IRX4: variants seen among roughly 807,000 people sequenced by gnomAD.
IRX4 encodes the protein iroquois homeobox 4.
Under a neutral mutation model 32.0 loss-of-function variants are expected in IRX4, and 22 were observed. The ratio of observed to expected loss-of-function variants is 0.69; its 90% CI spans 0.49 to 0.98. IRX4 has a LOEUF of 0.98. Ranked by LOEUF, IRX4 falls within the 50% of genes least tolerant of loss-of-function variation. The probability of loss-of-function intolerance (pLI) is 0.00; values close to 1 mark genes in which losing one functional copy is unlikely to be tolerated. For synonymous variants in IRX4, 379 were observed against 351.7 expected (o/e 1.08, Z -0.87); for missense variants, 840 against 744.2 (o/e 1.13, Z -1.50).
chr5:1,882,066 A>C lies in IRX4; in HGVS notation c.46-7T>G, dbSNP rs777334565. On this transcript the variant is annotated splice_region_variant and splice_polypyrimidine_tract_variant and intron_variant, in intron 1 of 4. Coordinates refer to ENST00000231357, the MANE Select transcript of IRX4 (RefSeq NM_016358.3). ...AGTTGGTGGCCATCAAGAACTGCAGAGAGAGGCCGCGAGGACTGGCGGGAA... is the reference window on the plus strand; with the variant it reads ...AGTTGGTGGCCATCAAGAACTGCAGCGAGAGGCCGCGAGGACTGGCGGGAA... 45 of 1,550,772 alleles carry C rather than the reference A, an allele frequency of 2.9e-5. No individual in the cohort carries two copies. In the Admixed American group the frequency reaches 8.6e-4, roughly 29 times the overall value.
At position 1,879,781 on chromosome 5, in the gene IRX4, G is replaced by A; in HGVS notation, c.459C>T (p.Thr153=). ...GCAGCCAGGCCTTGAGCGTGCTGGT[G>A]GTCTCGCGCGTGGCGTTCTTGCGCC... The part of the protein sequence containing the change: ...GTRRKNATRE[T]TSTLKAWLQE... The change falls in exon 4 of 5, where the codon ACC becomes ACT. Residue 153 remains threonine, a synonymous_variant. Transcript: ENST00000231357. The A allele has an allele frequency of 1.2e-6, 2 of 1,614,154 alleles. No homozygotes were observed.
At chr5:1,885,199 T>G (rs932091784), upstream of IRX4, among the ~76,000 whole-genome samples, 25 of 152,044 alleles carry the variant, frequency 1.6e-4, no homozygotes, top group Admixed American at 1.0e-3. Flanking sequence ...GCTGGTGCAT[T>G]TCCTTCCTTC....
At chr5:1,879,989 C>A in intron 3 of IRX4, 157 bp from the exon 4 acceptor site, 4 of 1,495,872 alleles carry the variant, frequency 2.7e-6, no homozygotes, top group South Asian at 2.4e-5. Context: ...AGGACCCGAG[C>A]CCCAACCAGG....
At position 1,880,812 on chromosome 5, in the gene IRX4, C is replaced by T; in HGVS notation, c.320G>A (p.Gly107Asp). Residue 107 changes from glycine (G) to aspartate (D), a missense_variant, in exon 3 of 5, where the codon GGT becomes GAT. Transcript: ENST00000231357. ...CAGGCCCCCATGCGCAGATCCCGAA[C>T]CATCCTTGGAATCAAAGCTGTTCTG... ...YSLNSFDSKD[G>D]SGSAHGGLAP... 6.2e-7 allele frequency: 1 copy of T among 1,613,744 alleles called. No individual in the cohort carries two copies. Among genetic ancestry groups the T allele is most frequent in the South Asian group, 1.1e-5 (1 of 91,080 alleles).
Position 1,878,090 on chromosome 5 carries a change from A to T in IRX4, c.1439T>A (p.Val480Glu), listed in dbSNP as rs542464730. Residue 480 changes from valine to glutamate, a missense_variant, in exon 5 of 5, where the codon GTG (valine) becomes GAG (glutamate). Val to Glu is a moderately radical substitution (Grantham distance 121). This residue lies in a region of IRX4 where 585 missense variants were observed against 488.0 expected (regional missense o/e 1.20). Coordinates refer to ENST00000231357, the MANE Select transcript of IRX4 (RefSeq NM_016358.3). The stretch of plus-strand genomic sequence containing the variant: ...GGCGCGGGCCAGGGGTGCAGTCAGC[A>T]CGTTCGCGCCCGCCCCCAGCGAGCG... ...LGRSLGAGAN[V>E]LTAPLARAFP... is the part of the protein sequence containing the mutation. 1.3e-6 allele frequency: 2 copies of T among 1,532,396 alleles called. No individual in the cohort carries two copies. Among genetic ancestry groups the T allele is most frequent in the Admixed American group, 3.9e-5 (2 of 51,034 alleles). 94.9% of individuals were successfully genotyped at this position (1,532,396 alleles called of 1,614,324 possible).
Position 1,878,662 on chromosome 5 carries a change from G to T in IRX4, c.867C>A (p.Val289=). 1.3e-6 allele frequency: 2 copies of T among 1,578,608 alleles called. No individual in the cohort carries two copies. Among genetic ancestry groups the T allele is most frequent in the Non-Finnish European group, 1.7e-6 (2 of 1,162,140 alleles). ...FHSLDGGLER[V]PAAPDGPVKE... ...TGACCGGGCCGTCGGGCGCGGCGGG[G>T]ACGCGCTCCAGACCGCCGTCCAGGG... The change falls in exon 5 of 5, where the codon GTC becomes GTA. Residue 289 remains valine (V), a synonymous_variant. Transcript: ENST00000231357.
chr5:1,880,229 G>A (rs987513245), intron 3 of IRX4: 25 of 1,098,178 alleles, frequency 2.3e-5, no homozygotes, highest in Non-Finnish European at 3.3e-5. Flanking sequence ...TGCCCAGGAG[G>A]AGAAAGCACC....
At position 1,881,880 on chromosome 5, in the gene IRX4, AC is replaced by A; in HGVS notation, c.224del (p.Gly75ValfsTer13). Reference protein sequence around the residue: ...NSAAALGVYGGPYGGSQGYGN... With the variant: ...NSAAALGVYGXPYGGSQGYGN... ...CATAGCCCTGCGATCCGCCATAGGG[AC>A]CCCCATAGACGCCCAGCGCCGCGGC... On this transcript the variant is annotated frameshift_variant, in exon 2 of 5. Coordinates refer to ENST00000231357, the MANE Select transcript of IRX4 (RefSeq NM_016358.3). LOFTEE classifies it high-confidence loss of function. 6.3e-7 allele frequency: 1 copy of A among 1,584,852 alleles called. No homozygotes were observed. Among genetic ancestry groups the A allele is most frequent in the Non-Finnish European group, 8.6e-7 (1 of 1,166,214 alleles).
intron 3 of IRX4, 90 bp from the exon 4 acceptor site, chr5:1,879,922 C>G: frequency 6.4e-7 from 1 of 1,566,556 alleles, no homozygotes; most frequent in Admixed American, 1.8e-5. Context: ...AGGGGCATGC[C>G]AGGATGGGCT....
chr5:1,880,045 A>T (rs1357906434), intron 3 of IRX4: 2 of 1,531,444 alleles, frequency 1.3e-6, no homozygotes, highest in Non-Finnish European at 1.7e-6. Context: ...AAGGGCAAAG[A>T]TTATATTTGA....
rs1735284460 is a variant in IRX4 at position 1,878,354 on chromosome 5, G to A, written c.1175C>T (p.Ser392Leu). 6.5e-7 allele frequency: 1 copy of A among 1,540,990 alleles called. No individual in the cohort carries two copies. Among genetic ancestry groups the A allele is most frequent in the Non-Finnish European group, 8.7e-7 (1 of 1,145,466 alleles). The change falls in exon 5 of 5, where the codon TCG becomes TTG. Residue 392 changes from serine to leucine, a missense_variant. By Grantham distance (145) the Ser-to-Leu change is moderately radical (BLOSUM62 -2). This residue lies in a region of IRX4 where 585 missense variants were observed against 488.0 expected (regional missense o/e 1.20). Coordinates refer to ENST00000231357, the MANE Select transcript of IRX4 (RefSeq NM_016358.3). Reference protein sequence around the residue: ...ATSLSQTEFPSCMLKRQGPAA... With the variant: ...ATSLSQTEFPLCMLKRQGPAA... ...GGGACCTTGGCGCTTGAGCATGCAC[G>A]ACGGAAACTCAGTCTGGCTCAGGGA... is the stretch of plus-strand genomic sequence containing the variant.
At position 1,882,699 on chromosome 5, in the gene IRX4, G is replaced by A; in HGVS notation, c.-52C>T. On this transcript the variant is annotated 5_prime_UTR_variant, in exon 1 of 5. The change creates a premature stop within an existing upstream ORF in the 5' untranslated region. Transcript: ENST00000231357. ...CGGGGCCTGCAGGGTTCTGCGCGCT[G>A]GGGCCGGCGTGGCGCGGCCACTGCT... is the stretch of plus-strand genomic sequence containing the variant. The A allele has an allele frequency of 8.2e-7, 1 of 1,221,236 alleles. No homozygotes were observed. Among genetic ancestry groups the A allele is most frequent in the East Asian group, 3.2e-5 (1 of 31,478 alleles). The allele number at this position is 1,221,236 out of a possible 1,614,324, so 75.6% of individuals were successfully genotyped here.
chr5:1,878,925 A>C (rs1735321887), intron 4 of IRX4, 133 bp from the exon 5 acceptor site: 7 of 933,344 alleles, frequency 7.5e-6, no homozygotes, highest in African/African-American at 1.6e-5. Context: ...CGCGTCTCCC[A>C]TTTCCTCCAG....
At chr5:1,879,068 T>C (rs1277901120) in intron 4 of IRX4, among the ~76,000 whole-genome samples, 2 of 151,550 alleles carry the variant, frequency 1.3e-5, no homozygotes, top group Non-Finnish European at 2.9e-5. Context: ...CTCAGCTCAC[T>C]GCAAACTCCG....
intron 2 of IRX4, chr5:1,881,167 T>G (rs1579253177): frequency 1.1e-5 from 3 of 272,276 alleles, no homozygotes; most frequent in South Asian, 3.1e-5. Flanking sequence ...AGGGGGCAGC[T>G]GGGAGAAGGA....
At chr5:1,881,750 G>T in intron 2 of IRX4, 58 bp downstream of exon 2, 1 of 1,551,318 alleles carries the variant, frequency 6.4e-7, no homozygotes, top group Non-Finnish European at 8.7e-7. Flanking sequence ...TGGGGCAAAA[G>T]TGGGCTTGGC....
At chr5:1,883,501 C>T (rs1053583332), upstream of IRX4, among the ~76,000 whole-genome samples, 1 of 152,212 alleles carries the variant, frequency 6.6e-6, no homozygotes, top group Non-Finnish European at 1.5e-5. Flanking sequence ...TCAGAACCCA[C>T]TGCGGCCGCA....
At position 1,882,064 on chromosome 5, in the gene IRX4, A is replaced by T. The variant is rs1261286200; in HGVS notation, c.46-5T>A. On this transcript the variant is annotated splice_region_variant and splice_polypyrimidine_tract_variant and intron_variant, in intron 1 of 4. Coordinates refer to ENST00000231357, the MANE Select transcript of IRX4 (RefSeq NM_016358.3). ...GGAGTTGGTGGCCATCAAGAACTGCAGAGAGAGGCCGCGAGGACTGGCGGG... is the reference window on the plus strand; with the variant it reads ...GGAGTTGGTGGCCATCAAGAACTGCTGAGAGAGGCCGCGAGGACTGGCGGG... The T allele has an allele frequency of 1.3e-6, 2 of 1,551,526 alleles. No homozygotes were observed. Among genetic ancestry groups the T allele is most frequent in the African/African-American group, 2.7e-5 (2 of 73,144 alleles).
At chr5:1,885,145 A>G (rs1238211728), upstream of IRX4, among the ~76,000 whole-genome samples, 1 of 152,054 alleles carries the variant, frequency 6.6e-6, no homozygotes, top group Non-Finnish European at 1.5e-5. Context: ...TATGCCCTGC[A>G]CCTCTGGGCT....
Sources: allele counts gnomAD v4.1 joint callset (sites outside exome capture counted in the v4.1 genomes callset), GRCh38; gene constraint gnomAD v4.1.1; regional missense constraint gnomAD v4.1.1; transcripts MANE v1.5; gene names NCBI Gene and HGNC (gene_info 2026-07-23, HGNC 2026-07-21).